DCHS1: variants seen among roughly 807,000 people sequenced by gnomAD.
The protein encoded by DCHS1 is protocadherin-16.
In DCHS1, 78 loss-of-function variants were observed where a neutral mutation model predicts 213.9. That is an observed-to-expected ratio of 0.36 (90% confidence interval 0.30 to 0.44). The LOEUF (loss-of-function observed/expected upper bound fraction) is 0.44, where lower values mean the gene tolerates loss of function less well. Among genes scored for constraint, DCHS1 ranks in the 20% least tolerant of loss-of-function variants. DCHS1 has a pLI of 1.00. For synonymous variants in DCHS1, 1,828 were observed against 1,873.7 expected (o/e 0.98, Z 0.63); for missense variants, 3,946 against 4,395.9 (o/e 0.90, Z 2.89).
intron 2 of DCHS1, among the ~76,000 whole-genome samples, chr11:6,636,323 C>T (rs1855985508): frequency 1.3e-5 from 2 of 152,192 alleles, no homozygotes; most frequent in Admixed American, 1.3e-4. Context: ...AATCCTCCTG[C>T]CTTAGCCTCC....
At chr11:6,643,288 G>C (rs926021429) in intron 1 of DCHS1, among the ~76,000 whole-genome samples, 1 of 152,108 alleles carries the variant, frequency 6.6e-6, no homozygotes, top group African/African-American at 2.4e-5. Context: ...AGAAGCTATC[G>C]CCCTTTCTGA....
rs749959149 is a variant in DCHS1, at chr11:6,627,099, G to A, written c.5940C>T (p.Thr1980=). The change falls in exon 14 of 21, where the codon ACC becomes ACT. Residue 1980 remains threonine (T), a synonymous_variant. Coordinates refer to ENST00000299441, the MANE Select transcript of DCHS1 (RefSeq NM_003737.4). This position sits in a 1 kb window ranked among gnomAD's most constrained non-coding sequence, Gnocchi z 5.4. ...CAGCTCTCAGTGTGGCCAGAGCCAG[G>A]GTTGGGGTACTGAAGCTGGGGCCTG... ...PRPGPSFSTP[T]LALATLRAED... is the part of the protein sequence containing the mutation. 1.5e-5 allele frequency: 24 copies of A among 1,613,176 alleles called. No individual in the cohort carries two copies. Among genetic ancestry groups the A allele is most frequent in the Non-Finnish European group, 1.9e-5 (23 of 1,179,720 alleles).
At chr11:6,634,655 ATG>A (rs1278615323) in intron 2 of DCHS1, among the ~76,000 whole-genome samples, 4 of 151,944 alleles carry the variant, frequency 2.6e-5, no homozygotes, top group Non-Finnish European at 5.9e-5. Context: ...TATCTAACAT[ATG>A]TATTTTCTCC....
At chr11:6,629,631 C>T in intron 11 of DCHS1, 41 bp downstream of exon 11, 2 of 1,612,562 alleles carry the variant, frequency 1.2e-6, no homozygotes, top group Non-Finnish European at 1.7e-6. Flanking sequence ...TGTTTCTTGC[C>T]CCAGTCCATC....
chr11:6,651,107 T>C (rs568852920), intron 1 of DCHS1, among the ~76,000 whole-genome samples: 1 of 152,282 alleles, frequency 6.6e-6, no homozygotes, highest in South Asian at 2.1e-4. Flanking sequence ...AGATGAGTAA[T>C]ACGCACTCTT....
In DCHS1 at chr11:6,633,782, T is replaced by A. The variant is rs1478362256; in HGVS notation, c.2218+7A>T. ...GGGGAAGGCCCCGGGAATGGGAGGATCCTCACCTGATTGCTCATCCAAGGT... is the reference window on the plus strand; with the variant it reads ...GGGGAAGGCCCCGGGAATGGGAGGAACCTCACCTGATTGCTCATCCAAGGT... On this transcript the variant is annotated splice_region_variant and intron_variant, in intron 4 of 20. Coordinates refer to ENST00000299441, the MANE Select transcript of DCHS1 (RefSeq NM_003737.4). 1 of 1,612,276 alleles carries A rather than the reference T, an allele frequency of 6.2e-7. No individual in the cohort carries two copies. Among genetic ancestry groups the A allele is most frequent in the African/African-American group, 1.3e-5 (1 of 74,880 alleles).
In DCHS1 at chr11:6,632,206, A is replaced by C; in HGVS notation, c.3306T>G (p.Ser1102Arg). The C allele has an allele frequency of 1.9e-6, 3 of 1,610,378 alleles. No homozygotes were observed. Among genetic ancestry groups the C allele is most frequent in the Non-Finnish European group, 2.5e-6 (3 of 1,177,278 alleles). Residue 1102 changes from serine (S) to arginine (R), a missense_variant, in exon 6 of 21, where the codon AGT becomes AGG. Ser to Arg is a moderately radical substitution (Grantham distance 110). This residue lies in a region of DCHS1 where 3,384 missense variants were observed against 3,780.1 expected (regional missense o/e 0.90). Coordinates refer to ENST00000299441, the MANE Select transcript of DCHS1 (RefSeq NM_003737.4). This position sits in a 1 kb window ranked among gnomAD's most constrained non-coding sequence, Gnocchi z 5.9. ...AGGTGGGATCCTCAGACAAGCGGGG[A>C]CTGTGTTCATTCTGGTTGAGGATGC... ...RVSILNQNEH[S>R]PRLSEDPTFL...
In DCHS1 at chr11:6,641,826, C is replaced by T. The variant is rs1190528114; in HGVS notation, c.-120-93G>A. 6.4e-6 allele frequency: 7 copies of T among 1,099,372 alleles called. No homozygotes were observed. In the Admixed American group the frequency reaches 8.8e-5, roughly 14 times the overall value. The allele number at this position is 1,099,372 out of a possible 1,614,324, so 68.1% of individuals were successfully genotyped here. ...GGCCACATCAACATTCAGATATGCTCAGCCCCCAGCAGGCCCTTGTGCTGC... is the reference window on the plus strand; with the variant it reads ...GGCCACATCAACATTCAGATATGCTTAGCCCCCAGCAGGCCCTTGTGCTGC... On this transcript the variant is annotated intron_variant, in intron 1 of 20. Transcript: ENST00000299441. This position sits in a 1 kb window ranked among gnomAD's most constrained non-coding sequence, Gnocchi z 7.1.
Position 6,622,697 on chromosome 11 carries a change from T to G in DCHS1, c.8979A>C (p.Pro2993=), listed in dbSNP as rs749130141. ...GGTGCTCAGAGGGTGGTGGACTAGG[T>G]GGCTCCCGGCCCAGTTTCTGCAGTG... ...SDSLQKLGRE[P]PSPPPSEHLY... Residue 2993 remains proline, a synonymous_variant, in exon 21 of 21, where the codon CCA becomes CCC. Transcript: ENST00000299441. The surrounding 1 kb of genome is among the most constrained non-coding windows in gnomAD (Gnocchi z 5.4). 6.3e-7 allele frequency: 1 copy of G among 1,592,626 alleles called. No individual in the cohort carries two copies.
At chr11:6,645,933 G>T (rs936730634) in intron 1 of DCHS1, among the ~76,000 whole-genome samples, 1 of 152,160 alleles carries the variant, frequency 6.6e-6, no homozygotes, top group Non-Finnish European at 1.5e-5. Context: ...TACACAGCCA[G>T]TGCACACACA....
chr11:6,655,561 ACCT>A lies in DCHS1; in HGVS notation c.-122_-121+1del, dbSNP rs1331578066. 2.0e-6 allele frequency: 2 copies of A among 979,574 alleles called. No homozygotes were observed. The highest frequency in any genetic ancestry group is 3.6e-5 in the African/African-American group (2 of 56,230). The allele number at this position is 979,574 out of a possible 1,614,324, so 60.7% of individuals were successfully genotyped here. ...ACGGGCCGGGCGGGCGCGGGCACTG[ACCT>A]CCGCGCGACGCGGGCTCCCTCGCCC... is the stretch of plus-strand genomic sequence containing the variant. On this transcript the variant is annotated splice_donor_variant and 5_prime_UTR_variant, in exon 1 of 21. Coordinates refer to ENST00000299441, the MANE Select transcript of DCHS1 (RefSeq NM_003737.4). LOFTEE classifies it low-confidence loss of function (5UTR_SPLICE).
In DCHS1 at chr11:6,622,104, C is replaced by A. The variant is rs759274363; in HGVS notation, c.9572G>T (p.Arg3191Leu). Reference sequence around the variant, plus strand: ...GATACGGGGAGCTGGGGGACATGGCCGAGCTTCATCCTTGAGCCGAGCGAT... The same window carrying A: ...GATACGGGGAGCTGGGGGACATGGCAGAGCTTCATCCTTGAGCCGAGCGAT... ...TEIARLKDEA[R>L]PCPPAPRIDP... Residue 3191 changes from arginine to leucine, a missense_variant, in exon 21 of 21, where the codon CGG becomes CTG. This residue lies in a region of DCHS1 where 554 missense variants were observed against 590.2 expected (regional missense o/e 0.94). Coordinates refer to ENST00000299441, the MANE Select transcript of DCHS1 (RefSeq NM_003737.4). This position sits in a 1 kb window ranked among gnomAD's most constrained non-coding sequence, Gnocchi z 5.4. 1.2e-6 allele frequency: 2 copies of A among 1,613,186 alleles called. No individual in the cohort carries two copies. The highest frequency in any genetic ancestry group is 1.7e-6 in the Non-Finnish European group (2 of 1,179,822).
Position 6,623,513 on chromosome 11 carries a change from T to C in DCHS1, c.8163A>G (p.Pro2721=). ...CATGCAGAGTGGTCACGAGAGTGCC[T>C]GGAGGCTGATTCTCGGCCACGCTGG... is the stretch of plus-strand genomic sequence containing the variant. ...LSTSVAENQP[P]GTLVTTLHAI... is the part of the protein sequence containing the mutation. The change falls in exon 21 of 21, where the codon CCA becomes CCG. Residue 2721 remains proline (P), a synonymous_variant. Transcript: ENST00000299441. 2 of 1,603,424 alleles carry C rather than the reference T, an allele frequency of 1.2e-6. No homozygotes were observed. Among genetic ancestry groups the C allele is most frequent in the Non-Finnish European group, 1.7e-6 (2 of 1,175,128 alleles).
At position 6,626,950 on chromosome 11, in the gene DCHS1, C is replaced by A. The variant is rs1202303185; in HGVS notation, c.6089G>T (p.Gly2030Val). 6.2e-7 allele frequency: 1 copy of A among 1,613,608 alleles called. No homozygotes were observed. The highest frequency in any genetic ancestry group is 8.5e-7 in the Non-Finnish European group (1 of 1,179,890). Residue 2030 changes from glycine (G) to valine (V), a missense_variant, in exon 14 of 21, where the codon GGC (glycine) becomes GTC (valine). By Grantham distance (109) the Gly-to-Val change is moderately radical (BLOSUM62 -3). Transcript: ENST00000299441. The surrounding 1 kb of genome is among the most constrained non-coding windows in gnomAD (Gnocchi z 5.2). ...AATGAAGAGGACACGATCTCGGGGG[C>A]CTAGAGCTACAGGAGAGCGGGCCAC... ...IRVARSPVAL[G>V]PRDRVLFIVA... is the part of the protein sequence containing the mutation.
Position 6,630,563 on chromosome 11 carries a change from C to T in DCHS1, c.4231G>A (p.Gly1411Arg), listed in dbSNP as rs1280913166. The T allele has an allele frequency of 1.9e-6, 3 of 1,539,146 alleles. No homozygotes were observed. The highest frequency in any genetic ancestry group is 2.4e-5 in the East Asian group (1 of 41,126). ...AGCCGCGCGCCCGCGCCTCCCGGCCCCTCAGCGCGTACCGTAAGCGCGCGC... is the reference window on the plus strand; with the variant it reads ...AGCCGCGCGCCCGCGCCTCCCGGCCTCTCAGCGCGTACCGTAAGCGCGCGC... Reference protein sequence around the residue: ...PWRALTVRAEGPGGAGARLLR... With the variant: ...PWRALTVRAERPGGAGARLLR... Residue 1411 changes from glycine to arginine, a missense_variant, in exon 10 of 21, where the codon GGG becomes AGG. Coordinates refer to ENST00000299441, the MANE Select transcript of DCHS1 (RefSeq NM_003737.4).
In DCHS1 at chr11:6,621,889, C is replaced by T. The variant is rs139763043; in HGVS notation, c.9787G>A (p.Ala3263Thr). 2.7e-5 allele frequency: 44 copies of T among 1,612,122 alleles called. No homozygotes were observed. The highest frequency in any genetic ancestry group is 8.8e-5 in the South Asian group (8 of 90,816). Residue 3263 changes from alanine to threonine, a missense_variant, in exon 21 of 21, where the codon GCT (alanine) becomes ACT (threonine). This residue lies in a region of DCHS1 where 554 missense variants were observed against 590.2 expected (regional missense o/e 0.94). Transcript: ENST00000299441. Reference protein sequence around the residue: ...SFSPSLSPLAARSPVVSPFGV... With the variant: ...SFSPSLSPLATRSPVVSPFGV... The stretch of plus-strand genomic sequence containing the variant: ...AATGGTGAGACAACGGGTGAGCGAG[C>T]AGCCAGAGGAGACAGAGAGGGTGAG...
In DCHS1 at chr11:6,623,846, T is replaced by C. The variant is rs763501438; in HGVS notation, c.7830A>G (p.Thr2610=). 3 of 1,612,470 alleles carry C rather than the reference T, an allele frequency of 1.9e-6. No individual in the cohort carries two copies. Among genetic ancestry groups the C allele is most frequent in the Non-Finnish European group, 2.5e-6 (3 of 1,178,628 alleles). The change falls in exon 21 of 21, where the codon ACA becomes ACG. Residue 2610 remains threonine, a synonymous_variant. Transcript: ENST00000299441. ...PVFTRASYRV[T]VPEDTPVGAE... ...CTCCAACAGGTGTGTCCTCAGGTAC[T>C]GTCACACGGTAGGATGCTCGGGTAA... is the stretch of plus-strand genomic sequence containing the variant.
At position 6,623,632 on chromosome 11, in the gene DCHS1, G is replaced by C. The variant is rs759657034; in HGVS notation, c.8044C>G (p.Pro2682Ala). 20 of 1,613,664 alleles carry C rather than the reference G, an allele frequency of 1.2e-5. No individual in the cohort carries two copies. Among genetic ancestry groups the C allele is most frequent in the Admixed American group, 1.7e-5 (1 of 60,004 alleles). Residue 2682 changes from proline (P) to alanine (A), a missense_variant, in exon 21 of 21, where the codon CCT (proline) becomes GCT (alanine). Coordinates refer to ENST00000299441, the MANE Select transcript of DCHS1 (RefSeq NM_003737.4). ...RHQLVVQAAD[P>A]AGAHFALAPV... is the part of the protein sequence containing the mutation. ...GCCAAAGCAAAGTGTGCACCAGCAG[G>C]GTCAGCAGCCTGTACTACAAGCTGA... is the stretch of plus-strand genomic sequence containing the variant.
chr11:6,626,476 C>T lies in DCHS1; in HGVS notation c.6364+76G>A. The T allele has an allele frequency of 6.2e-7, 1 of 1,604,096 alleles. No homozygotes were observed. The highest frequency in any genetic ancestry group is 1.1e-5 in the South Asian group (1 of 90,274). On this transcript the variant is annotated intron_variant, in intron 15 of 20. Coordinates refer to ENST00000299441, the MANE Select transcript of DCHS1 (RefSeq NM_003737.4). This position sits in a 1 kb window ranked among gnomAD's most constrained non-coding sequence, Gnocchi z 5.2. ...TACTCAAGGACAGCCCTTCACCCAT[C>T]AAAGGCTCCTCTGATGCAAAGAACC...
Sources: allele counts gnomAD v4.1 joint callset (sites outside exome capture counted in the v4.1 genomes callset), GRCh38; gene constraint gnomAD v4.1.1; regional missense constraint gnomAD v4.1.1; non-coding constraint Gnocchi (gnomAD v3.1); transcripts MANE v1.5; gene names NCBI Gene and HGNC (gene_info 2026-07-23, HGNC 2026-07-21).